The following MARCHF10 variants were observed in gnomAD, a reference collection of about 807,000 sequenced individuals.
MARCHF10 encodes membrane associated ring-CH-type finger 10.
In MARCHF10, 64 loss-of-function variants were observed where a neutral mutation model predicts 76.2. The observed-to-expected ratio is 0.84, with a 90% CI of 0.69 to 1.03. The LOEUF (loss-of-function observed/expected upper bound fraction) is 1.03, where lower values mean the gene tolerates loss of function less well. MARCHF10 is among the 50% of genes least tolerant of loss of function. The pLI is 0.00. For missense variants in MARCHF10, 875 were observed against 958.0 expected (o/e 0.91, Z 1.14); for synonymous variants, 340 against 357.5 (o/e 0.95, Z 0.55).
chr17:62,794,600 T>C (rs922128464), intron 2 of MARCHF10, among the ~76,000 whole-genome samples: 4 of 152,220 alleles, frequency 2.6e-5, no homozygotes, highest in Admixed American at 6.5e-5. Context: ...GAGTCCATAG[T>C]TGTGCTCAAA....
At chr17:62,802,888 G>C (rs1431152401) in intron 1 of MARCHF10, among the ~76,000 whole-genome samples, 1 of 152,222 alleles carries the variant, frequency 6.6e-6, no homozygotes, top group Non-Finnish European at 1.5e-5. Flanking sequence ...ATGATTCAAA[G>C]AGTCATGGGA....
intron 3 of MARCHF10, among the ~76,000 whole-genome samples, chr17:62,761,573 C>A (rs2147957702): frequency 6.6e-6 from 1 of 152,176 alleles, no homozygotes. Flanking sequence ...AGGCACCCAC[C>A]ATCATACCCG....
chr17:62,760,123 T>C (rs2092158439), intron 3 of MARCHF10, 117 bp from the exon 4 acceptor site: 2 of 828,756 alleles, frequency 2.4e-6, no homozygotes, highest in Non-Finnish European at 3.8e-6. Context: ...CCTAGAGTCT[T>C]CTGCCAGGTC....
intron 5 of MARCHF10, among the ~76,000 whole-genome samples, chr17:62,740,541 TCCAA>T (rs1358656909): frequency 1.3e-5 from 2 of 152,142 alleles, no homozygotes; most frequent in Non-Finnish European, 2.9e-5. Context: ...TCCCCCATAA[TCCAA>T]AACTCGGATG....
intron 4 of MARCHF10, 53 bp downstream of exon 4, chr17:62,759,782 T>C (rs2092145711): frequency 1.9e-6 from 3 of 1,582,184 alleles, no homozygotes; most frequent in Middle Eastern, 1.7e-4. Context: ...GTTGTTGTTA[T>C]TTTTAATACC....
At chr17:62,741,919 C>T (rs1182611841) in intron 5 of MARCHF10, among the ~76,000 whole-genome samples, 1 of 151,704 alleles carries the variant, frequency 6.6e-6, no homozygotes, top group African/African-American at 2.4e-5. Flanking sequence ...AGGATGGTCT[C>T]GATCTCCTGA....
At position 62,717,086 on chromosome 17, in the gene MARCHF10, T is replaced by C. The variant is rs1422678903; in HGVS notation, c.2214+5402A>G. ...CTGAGTTTCAGTGACGTTGTAGATA[T>C]CTTTGTGTTCAACAACAGTTGCTTC... On this transcript the variant is annotated intron_variant, in intron 8 of 10. Coordinates refer to ENST00000311269, the MANE Select transcript of MARCHF10 (RefSeq NM_152598.4). 5.3e-5 allele frequency among the ~76,000 whole-genome samples: 8 copies of C among 152,352 alleles called. No homozygotes were observed. In the East Asian group the frequency reaches 1.5e-3, roughly 29 times the overall value.
chr17:62,728,117 T>C (rs892818003), intron 6 of MARCHF10, among the ~76,000 whole-genome samples: 5 of 152,216 alleles, frequency 3.3e-5, no homozygotes, highest in Non-Finnish European at 7.3e-5. Flanking sequence ...CTCAAGCTCC[T>C]GTGCTCAGCT....
At chr17:62,739,155 C>T (rs776356816) in intron 5 of MARCHF10, among the ~76,000 whole-genome samples, 2 of 151,904 alleles carry the variant, frequency 1.3e-5, no homozygotes, top group Admixed American at 6.6e-5. Flanking sequence ...AAAAATTAGC[C>T]GGGTGCTGTG....
intron 5 of MARCHF10, among the ~76,000 whole-genome samples, chr17:62,739,775 A>G (rs1375770784): frequency 2.0e-5 from 3 of 152,216 alleles, no homozygotes; most frequent in Non-Finnish European, 4.4e-5. Context: ...CTGAACGCAC[A>G]TGACCCATCC....
chr17:62,771,930 AG>A (rs1247118243), intron 3 of MARCHF10, among the ~76,000 whole-genome samples: 1 of 152,110 alleles, frequency 6.6e-6, no homozygotes, highest in Non-Finnish European at 1.5e-5. Flanking sequence ...TGGGAGCAGG[AG>A]TGTGAGTGTG....
At chr17:62,748,352 A>T (rs897698200) in intron 4 of MARCHF10, among the ~76,000 whole-genome samples, 21 of 151,868 alleles carry the variant, frequency 1.4e-4, no homozygotes, top group African/African-American at 4.3e-4. Flanking sequence ...AGCCGAGATC[A>T]CACCACTGCA....
intron 10 of MARCHF10, among the ~76,000 whole-genome samples, chr17:62,703,150 C>T (rs1328077850): frequency 6.6e-6 from 1 of 152,206 alleles, no homozygotes; most frequent in Non-Finnish European, 1.5e-5. Context: ...TTGGTTCTCA[C>T]GTGCAAGGGA....
At chr17:62,710,190 G>A (rs972908216) in intron 9 of MARCHF10, among the ~76,000 whole-genome samples, 4 of 152,166 alleles carry the variant, frequency 2.6e-5, no homozygotes, top group Non-Finnish European at 5.9e-5. Context: ...TGCTCTTGGG[G>A]CCATCTGTAA....
At chr17:62,731,810 T>C (rs1271512655) in intron 6 of MARCHF10, among the ~76,000 whole-genome samples, 1 of 152,150 alleles carries the variant, frequency 6.6e-6, no homozygotes. Flanking sequence ...GATCAAATCA[T>C]AATAGACACA....
chr17:62,761,961 T>A (rs1055041213), intron 3 of MARCHF10, among the ~76,000 whole-genome samples: 2 of 152,086 alleles, frequency 1.3e-5, no homozygotes, highest in East Asian at 3.9e-4. Context: ...GCCCTGCAAG[T>A]GAGCCCTTTA....
chr17:62,779,491 G>A (rs917175463), intron 3 of MARCHF10, among the ~76,000 whole-genome samples: 4 of 152,088 alleles, frequency 2.6e-5, no homozygotes, highest in Non-Finnish European at 5.9e-5. Context: ...AAGGTTTCAC[G>A]GACACGATAG....
intron 4 of MARCHF10, among the ~76,000 whole-genome samples, chr17:62,756,362 C>G (rs780256069): frequency 2.4e-4 from 36 of 152,180 alleles, no homozygotes; most frequent in Non-Finnish European, 4.1e-4. Flanking sequence ...CAGAGGATCA[C>G]TTGAGCCCAG....
Position 62,712,682 on chromosome 17 carries a change from T to C in MARCHF10, c.2215-1338A>G, listed in dbSNP as rs1318596807. Among the ~76,000 whole-genome samples, 1 of 152,242 alleles carries C rather than the reference T, an allele frequency of 6.6e-6. No homozygotes were observed. Among genetic ancestry groups the C allele is most frequent in the African/African-American group, 2.4e-5 (1 of 41,464 alleles). ...TTTTAGCCTTTGGTCGTGTTTTTTGTGCTCTGCTGACCTTGGCCTAGAGTG... is the reference window on the plus strand; with the variant it reads ...TTTTAGCCTTTGGTCGTGTTTTTTGCGCTCTGCTGACCTTGGCCTAGAGTG... On this transcript the variant is annotated intron_variant, in intron 8 of 10. Coordinates refer to ENST00000311269, the MANE Select transcript of MARCHF10 (RefSeq NM_152598.4). This position sits in a 1 kb window ranked among gnomAD's most constrained non-coding sequence, Gnocchi z 4.2.
Sources: gnomAD v4.1 joint callset for allele counts (sites outside exome capture counted in the v4.1 genomes callset) on GRCh38, gnomAD v4.1.1 for gene constraint, Gnocchi (gnomAD v3.1) non-coding constraint, MANE v1.5 for transcripts, NCBI Gene and HGNC (gene_info 2026-07-23, HGNC 2026-07-21) for gene names.